Variants in RBFOX3 observed in about 807,000 individuals in gnomAD.
RBFOX3 encodes RNA binding fox-1 homolog 3.
Under a neutral mutation model 48.7 loss-of-function variants are expected in RBFOX3, and 17 were observed. The observed-to-expected ratio is 0.35, with a 90% confidence interval of 0.24 to 0.52. The LOEUF (loss-of-function observed/expected upper bound fraction) is 0.52, where lower values mean the gene tolerates loss of function less well. Among genes scored for constraint, RBFOX3 ranks in the 20% least tolerant of loss-of-function variants. The pLI, the probability that RBFOX3 is intolerant of heterozygous loss-of-function variation, is 0.94. For synonymous variants in RBFOX3, 212 were observed against 209.5 expected (o/e 1.01, Z -0.10); for missense variants, 382 against 497.5 (o/e 0.77, Z 2.21).
rs2062506840 is a variant in RBFOX3 at position 79,242,334 on chromosome 17, T to G, written c.-73-6529A>C. 6.6e-6 allele frequency among the ~76,000 whole-genome samples: 1 copy of G among 152,134 alleles called. No homozygotes were observed. The highest frequency in any genetic ancestry group is 2.4e-5 in the African/African-American group (1 of 41,432). ...CAGATTTTATGAAACGATCTGTTTG[T>G]GCTCTTTCCCTAAGGGGAGCTGGAG... On this transcript the variant is annotated intron_variant, in intron 3 of 14. Coordinates refer to ENST00000693108, the MANE Select transcript of RBFOX3 (RefSeq NM_001350451.2). This position sits in a 1 kb window ranked among gnomAD's most constrained non-coding sequence, Gnocchi z 5.8.
intron 4 of RBFOX3, among the ~76,000 whole-genome samples, chr17:79,218,422 T>A (rs569294933): frequency 6.6e-6 from 1 of 152,158 alleles, no homozygotes; most frequent in South Asian, 2.1e-4. Flanking sequence ...GGCTCCCCGA[T>A]CAGGTTCCGT....
intron 2 of RBFOX3, among the ~76,000 whole-genome samples, chr17:79,330,178 A>T (rs2080016352): frequency 6.6e-6 from 1 of 152,194 alleles, no homozygotes; most frequent in Non-Finnish European, 1.5e-5. Flanking sequence ...AGATGAGTTT[A>T]ACCCCGCTGT....
intron 11 of RBFOX3, 85 bp downstream of exon 11, chr17:79,097,207 C>G (rs2075483614): frequency 1.6e-6 from 2 of 1,236,250 alleles, no homozygotes; most frequent in South Asian, 3.1e-5. Flanking sequence ...CTGCCTAGCC[C>G]CTCGCACTGC....
chr17:79,417,634 T>C (rs1285273753), intron 2 of RBFOX3, among the ~76,000 whole-genome samples: 1 of 152,232 alleles, frequency 6.6e-6, no homozygotes, highest in African/African-American at 2.4e-5. Context: ...GAATGGAAGA[T>C]GGCGCCGCTG....
chr17:79,210,830 T>C (rs1412158609), intron 4 of RBFOX3, among the ~76,000 whole-genome samples: 1 of 113,110 alleles, frequency 8.8e-6, no homozygotes. Context: ...AGTTTTGGAG[T>C]TTCCAACACC....
chr17:79,437,082 C>A (rs1407991814), intron 2 of RBFOX3, among the ~76,000 whole-genome samples: 2 of 152,294 alleles, frequency 1.3e-5, no homozygotes, highest in African/African-American at 4.8e-5. Context: ...CAACAGGGAC[C>A]TTTGAGTGCT....
intron 3 of RBFOX3, among the ~76,000 whole-genome samples, chr17:79,263,412 C>T (rs1004083289): frequency 2.0e-5 from 3 of 152,228 alleles, no homozygotes; most frequent in African/African-American, 4.8e-5. Context: ...CTGGAAGGCA[C>T]GTGGAGTTTC....
chr17:79,469,852 G>C (rs2076838946), intron 2 of RBFOX3, among the ~76,000 whole-genome samples: 1 of 152,196 alleles, frequency 6.6e-6, no homozygotes, highest in Non-Finnish European at 1.5e-5. Context: ...ACGGAGGAGA[G>C]GGTGCACAGG....
At chr17:79,586,106 T>C (rs1467435427) in intron 1 of RBFOX3, among the ~76,000 whole-genome samples, 7 of 152,232 alleles carry the variant, frequency 4.6e-5, no homozygotes, top group African/African-American at 1.7e-4. Flanking sequence ...TGTGACTTTG[T>C]AGCTCCTTCC....
In RBFOX3 at chr17:79,097,712, T is replaced by G; in HGVS notation, c.602A>C (p.Tyr201Ser). Reference sequence around the variant, plus strand: ...TTTACCTGCATAGAATTCAGGCCCGTAGACTGCGCCGACCACTGGATTTAG... The same window carrying G: ...TTTACCTGCATAGAATTCAGGCCCGGAGACTGCGCCGACCACTGGATTTAG... ...WKLNPVVGAV[Y>S]GPEFYAVTGF... Residue 201 changes from tyrosine (Y) to serine (S), a missense_variant, in exon 10 of 15, where the codon TAC (tyrosine) becomes TCC (serine). Physicochemically the swap from Tyr to Ser is moderately radical, Grantham distance 144 (BLOSUM62 -2). Around this residue, in one of 3 missense-constraint regions of RBFOX3, gnomAD observed 215 missense variants for 254.8 expected, o/e 0.84. Transcript: ENST00000693108. 1 of 1,523,236 alleles carries G rather than the reference T, an allele frequency of 6.6e-7. No homozygotes were observed. The highest frequency in any genetic ancestry group is 1.2e-5 in the South Asian group (1 of 83,648). 94.4% of individuals were successfully genotyped at this position (1,523,236 alleles called of 1,614,324 possible). A position where few individuals can be genotyped will look rare whatever the true frequency, so the allele number is the denominator to read the frequency against.
In RBFOX3 at chr17:79,299,151, CT is replaced by C. The variant is rs11308563; in HGVS notation, c.-74+8572del. Among the ~76,000 whole-genome samples, 77,774 of 148,350 alleles carry C rather than the reference CT, an allele frequency of 0.52. 20,259 individuals carry two copies. The highest frequency in any genetic ancestry group is 0.65 in the Middle Eastern group (182 of 282). On this transcript the variant is annotated intron_variant, in intron 3 of 14. Transcript: ENST00000693108. The surrounding 1 kb of genome is among the most constrained non-coding windows in gnomAD (Gnocchi z 4.5). ...AGAGGCCAGGTGTGGTATCTCGGTG[CT>C]GGCAAAACAGAGGCCAGAGAGGGTG...
At chr17:79,132,787 A>G (rs2039280272) in intron 4 of RBFOX3, 1 of 137,542 alleles carries the variant, frequency 7.3e-6, no homozygotes, top group African/African-American at 2.5e-5. Flanking sequence ...GACATGAGGA[A>G]AGCCGCAAGG....
chr17:79,316,069 C>T (rs2077499647), intron 2 of RBFOX3, among the ~76,000 whole-genome samples: 1 of 152,028 alleles, frequency 6.6e-6, no homozygotes, highest in South Asian at 2.1e-4. Context: ...TGCCAAGGCT[C>T]GACAGCACCC....
intron 2 of RBFOX3, among the ~76,000 whole-genome samples, chr17:79,469,912 G>C (rs981718138): frequency 6.6e-6 from 1 of 152,168 alleles, no homozygotes; most frequent in Non-Finnish European, 1.5e-5. Context: ...GTGCATGAGA[G>C]AGAGCACGCA....
At position 79,254,832 on chromosome 17, in the gene RBFOX3, T is replaced by C. The variant is rs1366008825; in HGVS notation, c.-73-19027A>G. 6.6e-6 allele frequency among the ~76,000 whole-genome samples: 1 copy of C among 152,068 alleles called. No homozygotes were observed. Among genetic ancestry groups the C allele is most frequent in the Non-Finnish European group, 1.5e-5 (1 of 68,016 alleles). The stretch of plus-strand genomic sequence containing the variant: ...GTCTGGAAGTGCTGGATGGCCCAGG[T>C]TATGGCCACTTGGCTATCACCATGG... On this transcript the variant is annotated intron_variant, in intron 3 of 14. Coordinates refer to ENST00000693108, the MANE Select transcript of RBFOX3 (RefSeq NM_001350451.2). This position sits in a 1 kb window ranked among gnomAD's most constrained non-coding sequence, Gnocchi z 4.8.
chr17:79,544,017 C>T (rs1358046279), intron 1 of RBFOX3, among the ~76,000 whole-genome samples: 1 of 152,188 alleles, frequency 6.6e-6, no homozygotes, highest in African/African-American at 2.4e-5. Flanking sequence ...GGGGCTTAAA[C>T]AACCCTCAGC....
At chr17:79,644,659 A>G in the RBFOX3 span, among the ~76,000 whole-genome samples, 89 of 151,938 alleles carry the variant, frequency 5.9e-4, no homozygotes, top group African/African-American at 2.1e-3. Flanking sequence ...CAAATAATAA[A>G]TTTTAAAATA....
intron 1 of RBFOX3, among the ~76,000 whole-genome samples, chr17:79,595,701 C>T (rs1028078353): frequency 7.9e-5 from 12 of 152,170 alleles, no homozygotes; most frequent in Non-Finnish European, 1.6e-4. Context: ...CGCCAAGTCA[C>T]GAGGGGCTCC....
chr17:79,592,374 G>A (rs2145128030), intron 1 of RBFOX3, among the ~76,000 whole-genome samples: 1 of 151,956 alleles, frequency 6.6e-6, no homozygotes, highest in South Asian at 2.1e-4. Context: ...TGTGTGGTGT[G>A]TGCAGTGTGT....
Sources: allele counts gnomAD v4.1 joint callset (sites outside exome capture counted in the v4.1 genomes callset), GRCh38; gene constraint gnomAD v4.1.1; regional missense constraint gnomAD v4.1.1; non-coding constraint Gnocchi (gnomAD v3.1); transcripts MANE v1.5; gene names NCBI Gene and HGNC (gene_info 2026-07-23, HGNC 2026-07-21).